HHIPL1: variants seen among roughly 807,000 people sequenced by gnomAD.
The protein encoded by HHIPL1 is HHIP-like protein 1.
A neutral mutation model predicts 61.8 loss-of-function variants in HHIPL1; 43 were observed. That is an observed-to-expected ratio of 0.70 (90% CI 0.55 to 0.90). The LOEUF (loss-of-function observed/expected upper bound fraction) is 0.90. HHIPL1 is among the 40% of genes least tolerant of loss of function. The pLI is 0.00. For synonymous variants in HHIPL1, 482 were observed against 515.8 expected, an observed-to-expected ratio of 0.93 and a Z score of 0.89; for missense variants, 1,056 against 1,157.7, an observed-to-expected ratio of 0.91 and a Z score of 1.28.
At chr14:99,611,412 G>C in the HHIPL1 span, among the ~76,000 whole-genome samples, 1 of 151,670 alleles carries the variant, frequency 6.6e-6, no homozygotes, top group South Asian at 2.1e-4. Context: ...CCCTGCCTCA[G>C]CCTTCTGAGT....
the HHIPL1 span, among the ~76,000 whole-genome samples, chr14:99,639,468 G>A: frequency 1.3e-5 from 2 of 151,468 alleles, no homozygotes; most frequent in East Asian, 1.9e-4. Flanking sequence ...CCTCAGCCTC[G>A]AGAGTAGCTG....
At position 99,660,826 on chromosome 14, in the gene HHIPL1, G is replaced by T. The variant is rs1408155970; in HGVS notation, c.1502+420G>T. 6.6e-6 allele frequency among the ~76,000 whole-genome samples: 1 copy of T among 152,154 alleles called. No individual in the cohort carries two copies. Among genetic ancestry groups the T allele is most frequent in the African/African-American group, 2.4e-5 (1 of 41,414 alleles). On this transcript the variant is annotated intron_variant, in intron 5 of 8. Coordinates refer to ENST00000330710, the MANE Select transcript of HHIPL1 (RefSeq NM_001127258.3). This position sits in a 1 kb window ranked among gnomAD's most constrained non-coding sequence, Gnocchi z 4.9. The stretch of plus-strand genomic sequence containing the variant: ...GCTTGTCACTGCAACAGCTGATGGG[G>T]GCCTGGAGCCCTGCCCCACCCCACC...
intron 5 of HHIPL1, among the ~76,000 whole-genome samples, chr14:99,661,005 A>G: frequency 6.6e-6 from 1 of 152,136 alleles, no homozygotes; most frequent in East Asian, 1.9e-4. Flanking sequence ...GGGCAGCAGT[A>G]CCACCCACTG....
intron 2 of HHIPL1, among the ~76,000 whole-genome samples, chr14:99,655,405 T>C (rs1376945976): frequency 6.6e-6 from 1 of 152,104 alleles, no homozygotes; most frequent in Non-Finnish European, 1.5e-5. Flanking sequence ...GAGGATCGCT[T>C]GAGGACAGGA....
At chr14:99,663,071 G>T in intron 6 of HHIPL1, 50 bp downstream of exon 6, 1 of 1,531,964 alleles carries the variant, frequency 6.5e-7, no homozygotes. Flanking sequence ...CCTGGGACTG[G>T]TCCTCCACCC....
chr14:99,672,278 C>G (rs1388521957), intron 7 of HHIPL1, 39 bp from the exon 8 acceptor site: 5 of 1,529,838 alleles, frequency 3.3e-6, no homozygotes, highest in Non-Finnish European at 4.4e-6. Flanking sequence ...GGGTGGGCTC[C>G]CAGGGTGAGA....
rs749659217 is a variant in HHIPL1, at chr14:99,680,113, C to T, written c.*4487C>T. The T allele has an allele frequency of 1.3e-5, 2 of 152,162 alleles. No individual in the cohort carries two copies. Among genetic ancestry groups the T allele is most frequent in the African/African-American group, 2.4e-5 (1 of 41,436 alleles). 9.4% of individuals were successfully genotyped at this position (152,162 alleles called of 1,614,324 possible). ...CCTAGGGTGTTATGTAAGTGGTCCC[C>T]GGGGCTTTAGAGGCAGGTTTGCACC... On this transcript the variant is annotated 3_prime_UTR_variant, in exon 9 of 9. Transcript: ENST00000330710.
intron 3 of HHIPL1, among the ~76,000 whole-genome samples, chr14:99,657,571 G>A (rs377543142): frequency 3.2e-4 from 49 of 152,326 alleles, no homozygotes; most frequent in Non-Finnish European, 4.6e-4. Flanking sequence ...GCAACAGCAC[G>A]TGGGGCTCCT....
At chr14:99,631,890 T>A in the HHIPL1 span, among the ~76,000 whole-genome samples, 5 of 152,112 alleles carry the variant, frequency 3.3e-5, no homozygotes, top group Non-Finnish European at 7.4e-5. Context: ...CTGGAGCCCC[T>A]CCTTTGGCTC....
chr14:99,618,904 C>G, the HHIPL1 span, among the ~76,000 whole-genome samples: 2 of 152,230 alleles, frequency 1.3e-5, no homozygotes, highest in African/African-American at 4.8e-5. Flanking sequence ...CAGAGCAGGG[C>G]CTGGCCGGGC....
chr14:99,612,145 G>A, the HHIPL1 span, among the ~76,000 whole-genome samples: 1 of 152,212 alleles, frequency 6.6e-6, no homozygotes, highest in African/African-American at 2.4e-5. Flanking sequence ...GGAAGCCTCA[G>A]GAAACTTACC....
chr14:99,673,934 T>G (rs2056357120), intron 8 of HHIPL1, among the ~76,000 whole-genome samples: 1 of 90,912 alleles, frequency 1.1e-5, no homozygotes, highest in Non-Finnish European at 2.2e-5. Context: ...GGAGGTTCAC[T>G]CAGGAGGGTG....
chr14:99,615,934 A>C, the HHIPL1 span, among the ~76,000 whole-genome samples: 1 of 152,154 alleles, frequency 6.6e-6, no homozygotes, highest in Non-Finnish European at 1.5e-5. Context: ...AGCCCAGAAA[A>C]AACCAAGCAA....
Position 99,656,818 on chromosome 14 carries a change from A to G in HHIPL1, c.903-182A>G, listed in dbSNP as rs189840290. On this transcript the variant is annotated intron_variant, in intron 2 of 8. Transcript: ENST00000330710. ...AAGAAAGAAAGAAAGAAAGAAAGAA[A>G]GAAAGAAAGAAAGAAAGAAAGGAAG... Among the ~76,000 whole-genome samples the G allele has an allele frequency of 3.7e-3, 23 of 6,164 alleles. 6 individuals carry two copies. The South Asian group carries it at 0.048, about 13-fold the overall frequency. The allele number at this position is 6,164 out of a possible 152,430, so 4.0% of individuals were successfully genotyped here. A position where few individuals can be genotyped will look rare whatever the true frequency, so the allele number is the denominator to read the frequency against.
the HHIPL1 span, among the ~76,000 whole-genome samples, chr14:99,605,465 C>G: frequency 6.6e-6 from 1 of 152,068 alleles, no homozygotes; most frequent in African/African-American, 2.4e-5. Flanking sequence ...CGGCCTGGAG[C>G]GCGCGCCCGC....
rs2056424791 is a variant in HHIPL1 at position 99,679,944 on chromosome 14, T to A, written c.*4318T>A. 1.3e-5 allele frequency: 2 copies of A among 152,194 alleles called. No homozygotes were observed. Among genetic ancestry groups the A allele is most frequent in the African/African-American group, 4.8e-5 (2 of 41,424 alleles). 9.4% of individuals were successfully genotyped at this position (152,194 alleles called of 1,614,324 possible). A position where few individuals can be genotyped will look rare whatever the true frequency, so the allele number is the denominator to read the frequency against. ...TGTCGCGCTTCTGTCCCCTCGCCCC[T>A]CCTCCCCCACTGAGAACTAGCTTTT... is the stretch of plus-strand genomic sequence containing the variant. On this transcript the variant is annotated 3_prime_UTR_variant, in exon 9 of 9. Coordinates refer to ENST00000330710, the MANE Select transcript of HHIPL1 (RefSeq NM_001127258.3).
chr14:99,652,811 C>A lies in HHIPL1; in HGVS notation c.843C>A (p.Arg281=). Residue 281 remains arginine (R), a synonymous_variant, in exon 2 of 9, where the codon CGC becomes CGA. Coordinates refer to ENST00000330710, the MANE Select transcript of HHIPL1 (RefSeq NM_001127258.3). ...GTATCCGCAGCAGTGAGTGGATCCG[C>A]ATCAGCGAGTTCAGAGTCTCCGAGG... The part of the protein sequence containing the change: ...SVGIRSSEWI[R]ISEFRVSEDD... 1.2e-6 allele frequency: 2 copies of A among 1,614,150 alleles called. No individual in the cohort carries two copies. The highest frequency in any genetic ancestry group is 8.5e-7 in the Non-Finnish European group (1 of 1,180,048).
chr14:99,608,884 G>T, the HHIPL1 span, among the ~76,000 whole-genome samples: 2 of 152,342 alleles, frequency 1.3e-5, no homozygotes, highest in East Asian at 3.9e-4. Flanking sequence ...ACCAGGATTT[G>T]AACCCAGGAC....
At chr14:99,629,307 T>A in the HHIPL1 span, among the ~76,000 whole-genome samples, 4 of 152,014 alleles carry the variant, frequency 2.6e-5, no homozygotes, top group African/African-American at 9.7e-5. Context: ...AGGCAGAACA[T>A]ACATAAAAAA....
Sources: allele counts gnomAD v4.1 joint callset (sites outside exome capture counted in the v4.1 genomes callset), GRCh38; gene constraint gnomAD v4.1.1; non-coding constraint Gnocchi (gnomAD v3.1); transcripts MANE v1.5; gene names NCBI Gene and HGNC (gene_info 2026-07-23, HGNC 2026-07-21).